AK3: variants seen among roughly 807,000 people sequenced by gnomAD.
AK3 encodes GTP:AMP phosphotransferase AK3, mitochondrial.
A neutral mutation model predicts 23.7 loss-of-function variants in AK3; 27 were observed. The observed-to-expected ratio is 1.14, with a 90% CI of 0.84 to 1.57. The LOEUF (loss-of-function observed/expected upper bound fraction) is 1.57, where lower values mean the gene tolerates loss of function less well. AK3 is among the 40% of genes most tolerant of loss of function. The pLI, the probability that AK3 is intolerant of heterozygous loss-of-function variation, is 0.00. For missense variants in AK3, 406 were observed against 285.6 expected, an observed-to-expected ratio of 1.42 and a Z score of -3.04; for synonymous variants, 159 against 116.0, an observed-to-expected ratio of 1.37 and a Z score of -2.38.
rs1467777715 is a variant in AK3 at position 4,733,932 on chromosome 9, C to G, written c.151+7005G>C. ...ACCTCCTAGGGAACTGGAAGCTCCC[C>G]CTCTGGACTTCCAAATGTCACAGAC... On this transcript the variant is annotated intron_variant, in intron 1 of 4. Coordinates refer to ENST00000381809, the MANE Select transcript of AK3 (RefSeq NM_016282.4). Among the ~76,000 whole-genome samples, 3 of 152,330 alleles carry G rather than the reference C, an allele frequency of 2.0e-5. 1 individual carries two copies. The East Asian group carries it at 5.8e-4, about 29-fold the overall frequency.
chr9:4,728,448 G>A (rs1842067624), intron 1 of AK3, among the ~76,000 whole-genome samples: 1 of 152,168 alleles, frequency 6.6e-6, no homozygotes, highest in South Asian at 2.1e-4. Context: ...GTGCATGCCT[G>A]TAGTCCCAGC....
intron 1 of AK3, among the ~76,000 whole-genome samples, chr9:4,730,616 A>C (rs452333): frequency 0.084 from 12,733 of 152,186 alleles, 626 homozygotes; most frequent in African/African-American, 0.13. Flanking sequence ...AAAAACAAAA[A>C]CAAAACGAAA....
intron 1 of AK3, among the ~76,000 whole-genome samples, chr9:4,725,372 A>G (rs2130892273): frequency 6.6e-6 from 1 of 152,266 alleles, no homozygotes; most frequent in Non-Finnish European, 1.5e-5. Flanking sequence ...GCATTAGGCA[A>G]TGGTTTCTAG....
chr9:4,722,740 G>C (rs887263437), intron 1 of AK3, 115 bp from the exon 2 acceptor site: 1 of 1,447,922 alleles, frequency 6.9e-7, no homozygotes, highest in African/African-American at 1.4e-5. Flanking sequence ...CTGAAAATGT[G>C]CATCATCAAC....
chr9:4,721,943 G>A (rs79374951), intron 2 of AK3, among the ~76,000 whole-genome samples: 10 of 152,180 alleles, frequency 6.6e-5, no homozygotes, highest in Non-Finnish European at 1.5e-4. Context: ...GAGTGCACGC[G>A]TGCCTGTGTG....
intron 2 of AK3, among the ~76,000 whole-genome samples, chr9:4,721,941 G>A (rs960887951): frequency 2.6e-5 from 4 of 152,192 alleles, no homozygotes; most frequent in African/African-American, 7.2e-5. Context: ...CTGAGTGCAC[G>A]CGTGCCTGTG....
chr9:4,712,917 T>C lies in AK3; in HGVS notation c.*59A>G, dbSNP rs2130865868. The C allele has an allele frequency of 1.3e-6, 2 of 1,554,282 alleles. No individual in the cohort carries two copies. The highest frequency in any genetic ancestry group is 2.3e-5 in the East Asian group (1 of 44,222). The stretch of plus-strand genomic sequence containing the variant: ...TAGAAGTCTTAGGAAAAGCAGCTTC[T>C]AAATGCAAGGACTAGGAGGTTTGCC... On this transcript the variant is annotated 3_prime_UTR_variant, in exon 5 of 5. Transcript: ENST00000381809.
At chr9:4,718,631 G>C in intron 3 of AK3, 94 bp from the exon 4 acceptor site, 1 of 968,500 alleles carries the variant, frequency 1.0e-6, no homozygotes. Context: ...ACATCTCTGT[G>C]CAAGTGCCAA....
intron 2 of AK3, among the ~76,000 whole-genome samples, chr9:4,720,067 C>G (rs1437215019): frequency 6.6e-6 from 1 of 151,886 alleles, no homozygotes; most frequent in East Asian, 1.9e-4. Flanking sequence ...TCCTCAAAAA[C>G]AAACAAACAA....
At chr9:4,728,899 ATACT>A (rs976137149) in intron 1 of AK3, among the ~76,000 whole-genome samples, 4 of 147,740 alleles carry the variant, frequency 2.7e-5, no homozygotes, top group African/African-American at 9.9e-5. Flanking sequence ...ATATATACAC[ATACT>A]TATATATATA....
intron 1 of AK3, among the ~76,000 whole-genome samples, chr9:4,727,241 G>A (rs986193618): frequency 2.0e-5 from 3 of 152,156 alleles, no homozygotes; most frequent in South Asian, 2.1e-4. Flanking sequence ...GAGTCAGCCT[G>A]TCCTTTGAAG....
In AK3 at chr9:4,722,463, T is replaced by C. The variant is rs764056709; in HGVS notation, c.271+43A>G. ...GAAATGCTCATTCTCCTGCCAGCAC[T>C]GATTATTTTGGGCAGGTGAAATGCT... On this transcript the variant is annotated intron_variant, in intron 2 of 4. Transcript: ENST00000381809. 2.5e-6 allele frequency: 4 copies of C among 1,613,470 alleles called. No individual in the cohort carries two copies. In the South Asian group the frequency reaches 4.4e-5, roughly 18 times the overall value.
chr9:4,732,819 G>A (rs969328116), intron 1 of AK3, among the ~76,000 whole-genome samples: 1 of 151,052 alleles, frequency 6.6e-6, no homozygotes, highest in Non-Finnish European at 1.5e-5. Context: ...CAGTTATGAA[G>A]CACAAAAGAG....
At chr9:4,732,330 T>A (rs1453455648) in intron 1 of AK3, among the ~76,000 whole-genome samples, 1 of 152,158 alleles carries the variant, frequency 6.6e-6, no homozygotes, top group Non-Finnish European at 1.5e-5. Context: ...ATATGAAATA[T>A]GTGTGAATCA....
chr9:4,722,106 T>G (rs550764391), intron 2 of AK3, among the ~76,000 whole-genome samples: 2 of 152,280 alleles, frequency 1.3e-5, no homozygotes, highest in Admixed American at 6.5e-5. Context: ...CTGAAACAAA[T>G]CTCTTTTGTG....
intron 1 of AK3, among the ~76,000 whole-genome samples, chr9:4,727,496 A>G (rs1587650002): frequency 6.6e-6 from 1 of 152,154 alleles, no homozygotes; most frequent in African/African-American, 2.4e-5. Context: ...TCAAATTTTT[A>G]TTCTGCAGCT....
intron 1 of AK3, among the ~76,000 whole-genome samples, chr9:4,723,875 A>G (rs942054380): frequency 6.6e-6 from 1 of 152,228 alleles, no homozygotes; most frequent in Non-Finnish European, 1.5e-5. Flanking sequence ...TTTCCAATAA[A>G]TAAATTCCCA....
intron 4 of AK3, among the ~76,000 whole-genome samples, chr9:4,715,215 T>G (rs1480534263): frequency 2.5e-5 from 1 of 39,268 alleles, no homozygotes; most frequent in African/African-American, 1.2e-4. Flanking sequence ...AGACTCCGTC[T>G]CAAAAAAAAA....
intron 1 of AK3, among the ~76,000 whole-genome samples, chr9:4,728,980 T>G (rs1842087710): frequency 1.5e-5 from 1 of 65,704 alleles, no homozygotes; most frequent in Admixed American, 1.9e-4. Context: ...TATACCTACA[T>G]ATATATACAC....
Sources: allele counts gnomAD v4.1 joint callset (sites outside exome capture counted in the v4.1 genomes callset), GRCh38; gene constraint gnomAD v4.1.1; transcripts MANE v1.5; gene names NCBI Gene and HGNC (gene_info 2026-07-23, HGNC 2026-07-21).